Variants in SLC17A8 observed in about 807,000 individuals in gnomAD.
The protein encoded by SLC17A8 is solute carrier family 17 member 8.
In SLC17A8, 31 loss-of-function variants were observed where a neutral mutation model predicts 58.0. The observed-to-expected ratio is 0.53, with a 90% CI of 0.40 to 0.72. The LOEUF is 0.72. Among genes scored for constraint, SLC17A8 ranks in the 30% least tolerant of loss-of-function variants. The probability of loss-of-function intolerance (pLI) is 0.00; values close to 1 mark genes in which losing one functional copy is unlikely to be tolerated. For synonymous variants in SLC17A8, 228 were observed against 249.0 expected (o/e 0.92, Z 0.79); for missense variants, 655 against 727.8 (o/e 0.90, Z 1.15).
rs377492613 is a variant in SLC17A8, at chr12:100,418,081, G to A, written c.1350G>A (p.Met450Ile). The A allele has an allele frequency of 3.1e-6, 5 of 1,614,026 alleles. No homozygotes were observed. The South Asian group carries it at 3.3e-5, about 11-fold the overall frequency. The change falls in exon 11 of 12, where the codon ATG becomes ATA. Residue 450 changes from methionine to isoleucine, a missense_variant. Transcript: ENST00000323346. ...CCCCACGCTATGCCAGCATTCTCATGGGGATCTCAAACGGAGTGGGAACCC... is the reference window on the plus strand; with the variant it reads ...CCCCACGCTATGCCAGCATTCTCATAGGGATCTCAAACGGAGTGGGAACCC... ...DIAPRYASILMGISNGVGTLS... is the reference protein window; with the variant it reads ...DIAPRYASILIGISNGVGTLS...
At chr12:100,367,923 G>T (rs1952531665) in intron 1 of SLC17A8, among the ~76,000 whole-genome samples, 1 of 152,142 alleles carries the variant, frequency 6.6e-6, no homozygotes. Flanking sequence ...ATAATGACTA[G>T]AAATTAGTAC....
chr12:100,414,581 G>A (rs1400659692), intron 10 of SLC17A8, among the ~76,000 whole-genome samples: 2 of 152,136 alleles, frequency 1.3e-5, no homozygotes, highest in African/African-American at 4.8e-5. Context: ...GTATTTCCCC[G>A]CACTTCTTGT....
Position 100,402,484 on chromosome 12 carries a change from G to A in SLC17A8, c.903+5G>A, listed in dbSNP as rs1408795860. ...GCCAACGTGGTTAGTCTAAGTGTAA[G>A]TATAAAAAGTCAGATGAAGACTTAC... On this transcript the variant is annotated splice_donor_5th_base_variant and intron_variant, in intron 7 of 11. Transcript: ENST00000323346. The A allele has an allele frequency of 2.5e-6, 4 of 1,613,988 alleles. No homozygotes were observed. The highest frequency in any genetic ancestry group is 3.4e-6 in the Non-Finnish European group (4 of 1,179,998).
chr12:100,387,700 T>G (rs1952686163), intron 2 of SLC17A8, among the ~76,000 whole-genome samples: 1 of 152,134 alleles, frequency 6.6e-6, no homozygotes, highest in Non-Finnish European at 1.5e-5. Context: ...GTGAGAAAAT[T>G]AAGTCTCTCC....
intron 1 of SLC17A8, among the ~76,000 whole-genome samples, chr12:100,368,369 T>C (rs1952534684): frequency 6.6e-6 from 1 of 152,172 alleles, no homozygotes; most frequent in Non-Finnish European, 1.5e-5. Context: ...GATTTCAAAT[T>C]CCCCTCTTCT....
At chr12:100,404,501 T>TACACACACACACAC in intron 9 of SLC17A8, 2 of 220,358 alleles carry the variant, frequency 9.1e-6, no homozygotes, top group Non-Finnish European at 9.2e-6. Context: ...ATGGGATATA[T>TACACACACACACAC]GCACACACAC....
intron 1 of SLC17A8, among the ~76,000 whole-genome samples, chr12:100,374,762 T>C (rs948874510): frequency 6.6e-5 from 10 of 152,160 alleles, no homozygotes; most frequent in African/African-American, 2.4e-4. Flanking sequence ...TGCTAATTAT[T>C]GATCCTCATT....
At position 100,396,420 on chromosome 12, in the gene SLC17A8, G is replaced by A. The variant is rs1246130972; in HGVS notation, c.676+3G>A. 1.7e-5 allele frequency: 27 copies of A among 1,611,654 alleles called. 1 individual carries two copies. Among genetic ancestry groups the A allele is most frequent in the Non-Finnish European group, 2.2e-5 (26 of 1,177,958 alleles). Reference sequence around the variant, plus strand: ...ACTGGCCACAACCTCTTTTTGTGGTGGGTATATTAGAATCGTAACAAATTT... The same window carrying A: ...ACTGGCCACAACCTCTTTTTGTGGTAGGTATATTAGAATCGTAACAAATTT... On this transcript the variant is annotated splice_donor_region_variant and intron_variant, in intron 5 of 11. Transcript: ENST00000323346.
chr12:100,393,512 A>T, intron 4 of SLC17A8, 29 bp downstream of exon 4: 2 of 1,512,104 alleles, frequency 1.3e-6, no homozygotes, highest in Non-Finnish European at 1.8e-6. Flanking sequence ...ACAGTTTTTG[A>T]TATTGCTAGA....
In SLC17A8 at chr12:100,418,146, C is replaced by G. The variant is rs1341325853; in HGVS notation, c.1415C>G (p.Thr472Ser). Residue 472 changes from threonine (T) to serine (S), a missense_variant, in exon 11 of 12, where the codon ACC becomes AGC. Physicochemically the swap from Thr to Ser is moderately conservative, Grantham distance 58 (BLOSUM62 1). Coordinates refer to ENST00000323346, the MANE Select transcript of SLC17A8 (RefSeq NM_139319.3). ...MVCPLIVGAM[T>S]RHKTREEWQN... is the part of the protein sequence containing the mutation. ...TGTCCCCTCATTGTCGGTGCAATGA[C>G]CAGGCACAAGGTAAAGGTCTCCTTT... 1 of 1,614,088 alleles carries G rather than the reference C, an allele frequency of 6.2e-7. No individual in the cohort carries two copies. Among genetic ancestry groups the G allele is most frequent in the South Asian group, 1.1e-5 (1 of 91,062 alleles).
At chr12:100,394,082 A>G (rs77548505) in intron 4 of SLC17A8, among the ~76,000 whole-genome samples, 2,077 of 152,294 alleles carry the variant, frequency 0.014, 50 homozygotes, top group African/African-American at 0.046. Flanking sequence ...GCCATTAAAT[A>G]TTACTCTTCT....
intron 2 of SLC17A8, among the ~76,000 whole-genome samples, chr12:100,387,368 T>A (rs1379039892): frequency 6.6e-6 from 1 of 152,206 alleles, no homozygotes; most frequent in Non-Finnish European, 1.5e-5. Flanking sequence ...GACCGCCTCT[T>A]CATGTAGATA....
intron 2 of SLC17A8, among the ~76,000 whole-genome samples, chr12:100,382,499 C>T (rs1460923038): frequency 1.3e-5 from 2 of 152,210 alleles, no homozygotes; most frequent in Non-Finnish European, 2.9e-5. Context: ...TTTCATCGTA[C>T]TAAACTCACA....
rs1592987785 is a variant in SLC17A8, at chr12:100,368,468, C to G, written c.101+10976C>G. 2.0e-5 allele frequency among the ~76,000 whole-genome samples: 3 copies of G among 152,324 alleles called. No homozygotes were observed. The South Asian group carries it at 6.2e-4, about 32-fold the overall frequency. ...AAGACTCCATTTCCAAATAAGGCTA[C>G]ATTCACAGGTATCGGGGGTTAGAAC... On this transcript the variant is annotated intron_variant, in intron 1 of 11. Coordinates refer to ENST00000323346, the MANE Select transcript of SLC17A8 (RefSeq NM_139319.3).
rs886043439 is a variant in SLC17A8 at position 100,393,479 on chromosome 12, T to C, written c.584T>C (p.Val195Ala). ...TGTGTCAGAATTCTGCAAGGTTTAG[T>C]GGAGGTAGGAGATACTTTCCTTACA... The part of the protein sequence containing the change: ...VMCVRILQGL[V>A]EGVTYPACHG... The change falls in exon 4 of 12, where the codon GTG becomes GCG. Residue 195 changes from valine (V) to alanine (A), a missense_variant. Transcript: ENST00000323346. 8 of 1,609,024 alleles carry C rather than the reference T, an allele frequency of 5.0e-6. No homozygotes were observed. The African/African-American group carries it at 5.3e-5, about 11-fold the overall frequency.
Position 100,420,029 on chromosome 12 carries a change from C to G in SLC17A8, c.1640C>G (p.Ser547Cys). Residue 547 changes from serine to cysteine, a missense_variant, in exon 12 of 12, where the codon TCT becomes TGT. By Grantham distance (112) the Ser-to-Cys change is moderately radical. Coordinates refer to ENST00000323346, the MANE Select transcript of SLC17A8 (RefSeq NM_139319.3). ...TTTGCGAGTCCCAAAAAGAAGATGT[C>G]TTATGGAGCCACCTCCCAGAATTGT... ...ESFASPKKKM[S>C]YGATSQNCEV... 5.0e-6 allele frequency: 8 copies of G among 1,614,010 alleles called. No homozygotes were observed. Among genetic ancestry groups the G allele is most frequent in the Non-Finnish European group, 6.8e-6 (8 of 1,179,956 alleles).
chr12:100,419,796 A>T lies in SLC17A8; in HGVS notation c.1426-19A>T. The T allele has an allele frequency of 6.2e-7, 1 of 1,609,204 alleles. No homozygotes were observed. Among genetic ancestry groups the T allele is most frequent in the Non-Finnish European group, 8.5e-7 (1 of 1,178,216 alleles). ...AGTTTTAGTTAAAACATTAATTGGCACTTTATTTCCTTATTTAGACCCGTG... is the reference window on the plus strand; with the variant it reads ...AGTTTTAGTTAAAACATTAATTGGCTCTTTATTTCCTTATTTAGACCCGTG... On this transcript the variant is annotated intron_variant, in intron 11 of 11. Coordinates refer to ENST00000323346, the MANE Select transcript of SLC17A8 (RefSeq NM_139319.3).
intron 4 of SLC17A8, 129 bp downstream of exon 4, chr12:100,393,612 C>T: frequency 1.4e-6 from 1 of 705,584 alleles, no homozygotes; most frequent in Non-Finnish European, 2.5e-6. Context: ...CCTGCTGTTT[C>T]CATTCTCTGG....
At chr12:100,405,152 C>G (rs2136008318) in intron 9 of SLC17A8, among the ~76,000 whole-genome samples, 1 of 152,318 alleles carries the variant, frequency 6.6e-6, no homozygotes. Flanking sequence ...TCTGTTGGCA[C>G]CTGTTCTCCC....
Sources: gnomAD v4.1 joint callset for allele counts (sites outside exome capture counted in the v4.1 genomes callset) on GRCh38, gnomAD v4.1.1 for gene constraint, MANE v1.5 for transcripts, NCBI Gene and HGNC (gene_info 2026-07-23, HGNC 2026-07-21) for gene names.